ALDH1A2: variants seen among roughly 807,000 people sequenced by gnomAD.
ALDH1A2 encodes the protein aldehyde dehydrogenase 1 family member A2.
A neutral mutation model predicts 60.3 loss-of-function variants in ALDH1A2; 27 were observed. That is an observed-to-expected ratio of 0.45 (90% CI 0.33 to 0.62). The LOEUF is 0.62. Among genes scored for constraint, ALDH1A2 ranks in the 20% least tolerant of loss-of-function variants. ALDH1A2 has a pLI of 0.02. For synonymous variants in ALDH1A2, 289 were observed against 232.4 expected, an observed-to-expected ratio of 1.24 and a Z score of -2.21; for missense variants, 581 against 643.8, an observed-to-expected ratio of 0.90 and a Z score of 1.06.
intron 3 of ALDH1A2, among the ~76,000 whole-genome samples, chr15:58,013,420 T>C (rs1402538892): frequency 6.6e-6 from 1 of 152,204 alleles, no homozygotes; most frequent in East Asian, 1.9e-4. Context: ...TGAGAAAAGA[T>C]ATTCAGCTGA....
intron 1 of ALDH1A2, among the ~76,000 whole-genome samples, chr15:58,029,750 C>T (rs923147697): frequency 2.6e-5 from 4 of 152,134 alleles, no homozygotes; most frequent in Non-Finnish European, 5.9e-5. Context: ...TCAGAGAATA[C>T]TATAAACACC....
chr15:58,048,572 T>C (rs1324334194), intron 1 of ALDH1A2, among the ~76,000 whole-genome samples: 3 of 152,022 alleles, frequency 2.0e-5, no homozygotes, highest in African/African-American at 7.2e-5. Flanking sequence ...CCCAGAATGA[T>C]GCTGCTTGAG....
intron 4 of ALDH1A2, among the ~76,000 whole-genome samples, chr15:58,009,287 G>T (rs1214823808): frequency 1.3e-5 from 2 of 151,946 alleles, no homozygotes; most frequent in Non-Finnish European, 2.9e-5. Context: ...GGTTAGACAT[G>T]CAGAGTCTCA....
chr15:57,974,151 C>T (rs1365903665), intron 7 of ALDH1A2, among the ~76,000 whole-genome samples: 1 of 152,106 alleles, frequency 6.6e-6, no homozygotes, highest in African/African-American at 2.4e-5. Context: ...CAGAAATAGA[C>T]CCATATAGGG....
At chr15:58,008,215 G>A (rs1312566515) in intron 4 of ALDH1A2, among the ~76,000 whole-genome samples, 1 of 152,102 alleles carries the variant, frequency 6.6e-6, no homozygotes, top group Non-Finnish European at 1.5e-5. Context: ...ATCCTAGTAT[G>A]ACTCTAAATG....
At chr15:57,984,094 T>G (rs1159571393) in intron 7 of ALDH1A2, among the ~76,000 whole-genome samples, 1 of 152,188 alleles carries the variant, frequency 6.6e-6, no homozygotes, top group Non-Finnish European at 1.5e-5. Flanking sequence ...GGAGGGTGTA[T>G]AGTCCCTTAG....
intron 11 of ALDH1A2, 52 bp downstream of exon 11, chr15:57,961,085 C>G (rs1463250493): frequency 1.9e-6 from 3 of 1,605,480 alleles, no homozygotes; most frequent in African/African-American, 1.3e-5. Flanking sequence ...TTATTTCACC[C>G]TGGTCCCTAT....
At chr15:57,996,125 A>T (rs1323481705) in intron 4 of ALDH1A2, among the ~76,000 whole-genome samples, 2 of 152,118 alleles carry the variant, frequency 1.3e-5, no homozygotes, top group East Asian at 3.9e-4. Context: ...TAACTATTAT[A>T]GGTGGAAATG....
intron 12 of ALDH1A2, among the ~76,000 whole-genome samples, chr15:57,959,612 T>G (rs1302139750): frequency 2.0e-5 from 3 of 152,156 alleles, no homozygotes; most frequent in Admixed American, 1.3e-4. Flanking sequence ...TTTGCATACT[T>G]AATCCTTACA....
chr15:58,012,422 A>T (rs762084117), intron 3 of ALDH1A2, among the ~76,000 whole-genome samples: 1 of 152,132 alleles, frequency 6.6e-6, no homozygotes, highest in Non-Finnish European at 1.5e-5. Context: ...AAGACAAGTA[A>T]TGTGTCCCAA....
chr15:58,044,499 A>G (rs1231578839), intron 1 of ALDH1A2, among the ~76,000 whole-genome samples: 1 of 152,032 alleles, frequency 6.6e-6, no homozygotes, highest in African/African-American at 2.4e-5. Flanking sequence ...CAATCAACAC[A>G]GGTGCCAGTA....
chr15:58,026,911 C>T (rs1184771699), intron 1 of ALDH1A2, among the ~76,000 whole-genome samples: 1 of 152,214 alleles, frequency 6.6e-6, no homozygotes, highest in African/African-American at 2.4e-5. Flanking sequence ...GCAAGCCCTA[C>T]TGCCTCTCTA....
At chr15:58,025,950 C>T (rs1254325040) in intron 1 of ALDH1A2, among the ~76,000 whole-genome samples, 1 of 152,214 alleles carries the variant, frequency 6.6e-6, no homozygotes, top group African/African-American at 2.4e-5. Flanking sequence ...CTGACAGATC[C>T]AGTCCCATGA....
At position 57,953,991 on chromosome 15, in the gene ALDH1A2, C is replaced by T. The variant is rs1474899959; in HGVS notation, c.*1206G>A. On this transcript the variant is annotated 3_prime_UTR_variant, in exon 13 of 13. Coordinates refer to ENST00000249750, the MANE Select transcript of ALDH1A2 (RefSeq NM_003888.4). ...AAAGGGAGGCGGGCCTGCTTTACTCCCTGCAAGCTGTAGGCCATGGCCTGC... is the reference window on the plus strand; with the variant it reads ...AAAGGGAGGCGGGCCTGCTTTACTCTCTGCAAGCTGTAGGCCATGGCCTGC... 6.6e-6 allele frequency: 1 copy of T among 152,426 alleles called. No homozygotes were observed. The highest frequency in any genetic ancestry group is 1.5e-5 in the Non-Finnish European group (1 of 68,098). 9.4% of individuals were successfully genotyped at this position (152,426 alleles called of 1,614,324 possible). A position where few individuals can be genotyped will look rare whatever the true frequency, so the allele number is the denominator to read the frequency against.
intron 1 of ALDH1A2, among the ~76,000 whole-genome samples, chr15:58,056,385 C>T (rs1217894502): frequency 2.0e-5 from 3 of 152,020 alleles, no homozygotes; most frequent in African/African-American, 4.8e-5. Flanking sequence ...TTTGACTTTC[C>T]AATGCTACAT....
chr15:57,958,298 T>C (rs929667937), intron 12 of ALDH1A2, among the ~76,000 whole-genome samples: 2 of 152,250 alleles, frequency 1.3e-5, no homozygotes, highest in African/African-American at 4.8e-5. Context: ...CCTGAGTTTT[T>C]AAAATGCTGA....
chr15:58,027,609 A>C (rs1896114888), intron 1 of ALDH1A2, among the ~76,000 whole-genome samples: 1 of 152,178 alleles, frequency 6.6e-6, no homozygotes, highest in African/African-American at 2.4e-5. Context: ...TCTGAGCTAA[A>C]GGAGCATGTT....
chr15:57,991,849 G>A (rs1427677653), intron 7 of ALDH1A2, among the ~76,000 whole-genome samples: 3 of 152,106 alleles, frequency 2.0e-5, no homozygotes, highest in Non-Finnish European at 4.4e-5. Context: ...TCATCTGTGA[G>A]GTTCTACTTG....
chr15:58,008,323 A>G (rs1156571751), intron 4 of ALDH1A2, among the ~76,000 whole-genome samples: 1 of 152,086 alleles, frequency 6.6e-6, no homozygotes, highest in Admixed American at 6.6e-5. Context: ...GTTAATGAGT[A>G]AAGTGGGGAA....
Sources: gnomAD v4.1 joint callset for allele counts (sites outside exome capture counted in the v4.1 genomes callset) on GRCh38, gnomAD v4.1.1 for gene constraint, MANE v1.5 for transcripts, NCBI Gene and HGNC (gene_info 2026-07-23, HGNC 2026-07-21) for gene names.